Variants in ZHX2 observed in about 807,000 individuals in gnomAD.
ZHX2 encodes zinc fingers and homeoboxes 2, also known as zinc fingers and homeoboxes protein 2.
In ZHX2, 6 loss-of-function variants were observed where a neutral mutation model predicts 21.9. That is an observed-to-expected ratio of 0.27 (90% CI 0.15 to 0.54). The LOEUF is 0.54. Among genes scored for constraint, ZHX2 ranks in the 20% least tolerant of loss-of-function variants. The probability of loss-of-function intolerance (pLI) is 0.95; values close to 1 mark genes in which losing one functional copy is unlikely to be tolerated. For synonymous variants in ZHX2, 434 were observed against 437.1 expected, an observed-to-expected ratio of 0.99 and a Z score of 0.09; for missense variants, 908 against 1,090.7, an observed-to-expected ratio of 0.83 and a Z score of 2.36.
At chr8:122,943,859 T>C (rs950585432) in intron 2 of ZHX2, among the ~76,000 whole-genome samples, 2 of 152,218 alleles carry the variant, frequency 1.3e-5, no homozygotes, top group African/African-American at 4.8e-5. Context: ...CAAAAGGCTT[T>C]GACCCTCCCT....
intron 2 of ZHX2, among the ~76,000 whole-genome samples, chr8:122,895,142 C>T (rs988163262): frequency 6.6e-6 from 1 of 152,168 alleles, no homozygotes; most frequent in African/African-American, 2.4e-5. Context: ...TATTAAATTG[C>T]AATTAATGTT....
At position 122,952,618 on chromosome 8, in the gene ZHX2, A is replaced by T. The variant is rs540773730; in HGVS notation, c.1108A>T (p.Ile370Phe). The T allele has an allele frequency of 3.1e-6, 5 of 1,614,146 alleles. No individual in the cohort carries two copies. The highest frequency in any genetic ancestry group is 3.3e-5 in the Admixed American group (2 of 60,016). Residue 370 changes from isoleucine to phenylalanine, a missense_variant, in exon 3 of 4, where the codon ATC (isoleucine) becomes TTC (phenylalanine). By Grantham distance (21) the Ile-to-Phe change is conservative. Coordinates refer to ENST00000314393, the MANE Select transcript of ZHX2 (RefSeq NM_014943.5). This position sits in a 1 kb window ranked among gnomAD's most constrained non-coding sequence, Gnocchi z 6.9. ...CCTCCAGACGGCTCTACCGTGCCAG[A>T]TCCTCGGCCAGACTAGCCTGGTGCT... ...PILQTALPCQILGQTSLVLTQ... is the reference protein window; with the variant it reads ...PILQTALPCQFLGQTSLVLTQ...
chr8:122,927,860 T>C (rs1471698580), intron 2 of ZHX2, among the ~76,000 whole-genome samples: 2 of 152,164 alleles, frequency 1.3e-5, no homozygotes, highest in Non-Finnish European at 2.9e-5. Context: ...GAAATCAAAC[T>C]CACAGGAATC....
At position 122,875,132 on chromosome 8, in the gene ZHX2, TATATATATATATATATATATA is replaced by T. The variant is rs1268192998; in HGVS notation, c.-220+11594_-220+11614del. 7.3e-3 allele frequency among the ~76,000 whole-genome samples: 703 copies of T among 96,718 alleles called. 87 individuals are homozygous for T. The highest frequency in any genetic ancestry group is 9.7e-3 in the Non-Finnish European group (445 of 45,960). The allele number at this position is 96,718 out of a possible 152,430, so 63.5% of individuals were successfully genotyped here. A position where few individuals can be genotyped will look rare whatever the true frequency, so the allele number is the denominator to read the frequency against. The stretch of plus-strand genomic sequence containing the variant: ...TTTTAGAGGAAGGAAAACTCTGTTA[TATATATATATATATATATATA>T]TATATATATATATATATATATATAT... On this transcript the variant is annotated intron_variant, in intron 2 of 3. Coordinates refer to ENST00000314393, the MANE Select transcript of ZHX2 (RefSeq NM_014943.5).
intron 2 of ZHX2, among the ~76,000 whole-genome samples, chr8:122,921,161 A>G (rs1820728749): frequency 6.6e-6 from 1 of 152,110 alleles, no homozygotes; most frequent in South Asian, 2.1e-4. Flanking sequence ...CTCACTCTGC[A>G]ACCTCTGCCT....
chr8:122,847,198 G>A (rs2130729107), intron 1 of ZHX2, among the ~76,000 whole-genome samples: 1 of 152,254 alleles, frequency 6.6e-6, no homozygotes, highest in Middle Eastern at 3.4e-3. Flanking sequence ...TGCCAGGGCT[G>A]GGTCCTTGTG....
intron 1 of ZHX2, among the ~76,000 whole-genome samples, chr8:122,821,110 G>T (rs1284707912): frequency 2.0e-5 from 3 of 152,216 alleles, no homozygotes; most frequent in Non-Finnish European, 2.9e-5. Context: ...TAGCAGTGAG[G>T]GGTGGGCAAT....
chr8:122,953,200 G>A lies in ZHX2; in HGVS notation c.1690G>A (p.Val564Met). Residue 564 changes from valine to methionine, a missense_variant, in exon 3 of 4, where the codon GTG becomes ATG. This residue lies in a region of ZHX2 where 431 missense variants were observed against 428.6 expected (regional missense o/e 1.01). Transcript: ENST00000314393. The surrounding 1 kb of genome is among the most constrained non-coding windows in gnomAD (Gnocchi z 4.6). ...CCAAGCAGAACTGGATCGGCTAAGGGTGGAGACCAAGCTGAGCAGGAGAGA... is the reference window on the plus strand; with the variant it reads ...CCAAGCAGAACTGGATCGGCTAAGGATGGAGACCAAGCTGAGCAGGAGAGA... Reference protein sequence around the residue: ...PTQAELDRLRVETKLSRREID... With the variant: ...PTQAELDRLRMETKLSRREID... 2 of 1,613,870 alleles carry A rather than the reference G, an allele frequency of 1.2e-6. No individual in the cohort carries two copies. The highest frequency in any genetic ancestry group is 2.2e-5 in the East Asian group (1 of 44,842).
intron 3 of ZHX2, among the ~76,000 whole-genome samples, chr8:122,970,454 G>A (rs573323147): frequency 2.4e-4 from 37 of 152,298 alleles, no homozygotes; most frequent in African/African-American, 7.2e-4. Context: ...CCAGCAGCCC[G>A]TGGGCTCTGT....
intron 2 of ZHX2, among the ~76,000 whole-genome samples, chr8:122,896,464 C>A (rs1820103842): frequency 6.6e-6 from 1 of 152,086 alleles, no homozygotes; most frequent in South Asian, 2.1e-4. Flanking sequence ...ATTGTGTATA[C>A]CATATCTTAT....
chr8:122,861,035 CA>C (rs36046690), intron 1 of ZHX2, among the ~76,000 whole-genome samples: 3,265 of 66,806 alleles, frequency 0.049, 21 homozygotes, highest in Middle Eastern at 0.07. Flanking sequence ...GACTTCGTCT[CA>C]AAAAAAAAAA....
intron 2 of ZHX2, among the ~76,000 whole-genome samples, chr8:122,916,012 C>A (rs1820592170): frequency 6.6e-6 from 1 of 152,184 alleles, no homozygotes; most frequent in African/African-American, 2.4e-5. Context: ...AGTTCCCGGG[C>A]CATCTCTCAC....
intron 2 of ZHX2, among the ~76,000 whole-genome samples, chr8:122,920,866 G>A (rs1487167172): frequency 6.6e-6 from 1 of 152,130 alleles, no homozygotes; most frequent in East Asian, 1.9e-4. Flanking sequence ...CGAAGGGGCT[G>A]AGCTCCATAT....
chr8:122,968,612 G>T (rs1372416597), intron 3 of ZHX2, among the ~76,000 whole-genome samples: 1 of 152,196 alleles, frequency 6.6e-6, no homozygotes, highest in Non-Finnish European at 1.5e-5. Flanking sequence ...GCCAAGGCGG[G>T]TGGGTTACCT....
Position 122,953,110 on chromosome 8 carries a change from A to G in ZHX2, c.1600A>G (p.Lys534Glu), listed in dbSNP as rs1008719155. ...AYPDFAPQKF[K>E]EKTQGQVKIL... ...CCCAGACTTTGCCCCCCAGAAGTTC[A>G]AAGAGAAAACACAGGGTCAGGTTAA... Residue 534 changes from lysine (K) to glutamate (E), a missense_variant, in exon 3 of 4, where the codon AAA becomes GAA. Physicochemically the swap from Lys to Glu is moderately conservative, Grantham distance 56 (BLOSUM62 1). Transcript: ENST00000314393. The surrounding 1 kb of genome is among the most constrained non-coding windows in gnomAD (Gnocchi z 4.6). 4.3e-6 allele frequency: 7 copies of G among 1,613,924 alleles called. No homozygotes were observed. The highest frequency in any genetic ancestry group is 5.9e-6 in the Non-Finnish European group (7 of 1,180,022).
intron 1 of ZHX2, among the ~76,000 whole-genome samples, chr8:122,830,590 G>A (rs370604373): frequency 2.0e-5 from 3 of 152,170 alleles, no homozygotes; most frequent in East Asian, 1.9e-4. Flanking sequence ...TCACCATGTC[G>A]TTGTAGCAGG....
chr8:122,927,708 A>G (rs1313352625), intron 2 of ZHX2, among the ~76,000 whole-genome samples: 3 of 152,188 alleles, frequency 2.0e-5, no homozygotes, highest in Non-Finnish European at 2.9e-5. Flanking sequence ...AGAACAGGAA[A>G]GACCCACCCC....
chr8:122,825,173 G>C (rs1009502067), intron 1 of ZHX2, among the ~76,000 whole-genome samples: 2 of 152,174 alleles, frequency 1.3e-5, no homozygotes, highest in African/African-American at 4.8e-5. Context: ...TGAGGGTGAT[G>C]GCACTATTCT....
chr8:122,838,867 G>A (rs1818563649), intron 1 of ZHX2, among the ~76,000 whole-genome samples: 1 of 152,070 alleles, frequency 6.6e-6, no homozygotes, highest in Non-Finnish European at 1.5e-5. Context: ...GAGCCACCAT[G>A]CCTGGCCAAT....
Sources: allele counts gnomAD v4.1 joint callset (sites outside exome capture counted in the v4.1 genomes callset), GRCh38; gene constraint gnomAD v4.1.1; regional missense constraint gnomAD v4.1.1; non-coding constraint Gnocchi (gnomAD v3.1); transcripts MANE v1.5; gene names NCBI Gene and HGNC (gene_info 2026-07-23, HGNC 2026-07-21).